SLC18A1: variants seen among roughly 807,000 people sequenced by gnomAD.
The protein encoded by SLC18A1 is chromaffin granule amine transporter.
In SLC18A1, 69 loss-of-function variants were observed where a neutral mutation model predicts 53.7. The ratio of observed to expected loss-of-function variants is 1.28; its 90% CI spans 1.06 to 1.57. The LOEUF (loss-of-function observed/expected upper bound fraction) is 1.57. SLC18A1 is among the 40% of genes most tolerant of loss of function. The probability of loss-of-function intolerance (pLI) is 0.00; values close to 1 mark genes in which losing one functional copy is unlikely to be tolerated. For missense variants in SLC18A1, 932 were observed against 668.1 expected (o/e 1.40, Z -4.35); for synonymous variants, 320 against 248.1 (o/e 1.29, Z -2.72).
In SLC18A1 at chr8:20,147,333, G is replaced by A. The variant is rs764545310; in HGVS notation, c.1389C>T (p.Ile463=). The A allele has an allele frequency of 5.0e-6, 8 of 1,613,632 alleles. No homozygotes were observed. The South Asian group carries it at 8.8e-5, about 18-fold the overall frequency. Residue 463 remains isoleucine (I), a synonymous_variant, in exon 15 of 16, where the codon ATC becomes ATT. Coordinates refer to ENST00000276373, the MANE Select transcript of SLC18A1 (RefSeq NM_003053.4). The part of the protein sequence containing the change: ...KAIGFPWLMV[I]TGVINIVYAP... ...CATAGACGATGTTGATGACCCCAGT[G>A]ATGACCATGAGCCAGGGAAAACCGA... is the stretch of plus-strand genomic sequence containing the variant.
chr8:20,177,953 A>T (rs1275327785), intron 4 of SLC18A1, among the ~76,000 whole-genome samples: 2 of 152,160 alleles, frequency 1.3e-5, no homozygotes, highest in African/African-American at 4.8e-5. Context: ...TTAACCTTTA[A>T]AGCCCTTAAC....
intron 10 of SLC18A1, among the ~76,000 whole-genome samples, chr8:20,162,016 G>A (rs1432121171): frequency 6.6e-6 from 1 of 152,164 alleles, no homozygotes; most frequent in Admixed American, 6.5e-5. Flanking sequence ...CTGCGCACGT[G>A]CAAAATTTGC....
At chr8:20,164,479 A>G (rs182681992) in intron 10 of SLC18A1, among the ~76,000 whole-genome samples, 15 of 152,256 alleles carry the variant, frequency 9.9e-5, no homozygotes, top group Admixed American at 2.0e-4. Context: ...TATTCATCCA[A>G]TTTCTCTTGA....
intron 3 of SLC18A1, 96 bp downstream of exon 3, chr8:20,179,025 G>C (rs894752995): frequency 7.1e-6 from 10 of 1,417,258 alleles, no homozygotes; most frequent in Non-Finnish European, 9.5e-6. Context: ...TCATACAAGT[G>C]AGTATTTCTT....
intron 8 of SLC18A1, among the ~76,000 whole-genome samples, chr8:20,165,679 T>C (rs984713350): frequency 1.3e-5 from 2 of 152,164 alleles, no homozygotes; most frequent in African/African-American, 4.8e-5. Context: ...TCATCTAAAC[T>C]TGGTCGCCCC....
At chr8:20,159,633 CCAAAAAAAAA>C (rs1234966536) in intron 10 of SLC18A1, among the ~76,000 whole-genome samples, 1 of 16,854 alleles carries the variant, frequency 5.9e-5, no homozygotes, top group African/African-American at 1.6e-4. Context: ...CTTGCAGCTG[CCAAAAAAAAA>C]AAAAAAAAAA....
chr8:20,147,766 T>G (rs751528940), intron 13 of SLC18A1, 44 bp from the exon 14 acceptor site: 1 of 1,598,780 alleles, frequency 6.3e-7, no homozygotes, highest in Non-Finnish European at 8.5e-7. Context: ...CACCCACAGT[T>G]AGTACCACCC....
intron 10 of SLC18A1, among the ~76,000 whole-genome samples, chr8:20,156,720 T>C (rs1206090215): frequency 6.6e-6 from 1 of 152,244 alleles, no homozygotes; most frequent in Non-Finnish European, 1.5e-5. Flanking sequence ...CAAAAGGACT[T>C]AATCCGGGGC....
chr8:20,177,175 A>C (rs1194653477), intron 4 of SLC18A1, among the ~76,000 whole-genome samples: 1 of 152,180 alleles, frequency 6.6e-6, no homozygotes, highest in African/African-American at 2.4e-5. Context: ...GCTAATTTGA[A>C]TTTCTTCATT....
In SLC18A1 at chr8:20,148,079, G is replaced by C; in HGVS notation, c.1147-9C>G. 1 of 1,613,910 alleles carries C rather than the reference G, an allele frequency of 6.2e-7. No homozygotes were observed. The highest frequency in any genetic ancestry group is 8.5e-7 in the Non-Finnish European group (1 of 1,179,822). On this transcript the variant is annotated splice_polypyrimidine_tract_variant and intron_variant, in intron 12 of 15. Coordinates refer to ENST00000276373, the MANE Select transcript of SLC18A1 (RefSeq NM_003053.4). ...TTGTGAGCCAGAGGAACCTGCATGG[G>C]GAAGGAGGAAGAGTCATCAGGACTC...
At chr8:20,182,212 C>T (rs2072447383) in intron 1 of SLC18A1, among the ~76,000 whole-genome samples, 1 of 152,074 alleles carries the variant, frequency 6.6e-6, no homozygotes, top group Non-Finnish European at 1.5e-5. Context: ...ACAAGGAACC[C>T]ATCCTACAAA....
intron 8 of SLC18A1, among the ~76,000 whole-genome samples, chr8:20,168,759 A>C (rs920661664): frequency 4.6e-5 from 7 of 152,146 alleles, no homozygotes; most frequent in South Asian, 2.1e-4. Context: ...TAGCAGAGAC[A>C]GGGTTTTGCC....
intron 10 of SLC18A1, among the ~76,000 whole-genome samples, chr8:20,155,469 A>G (rs1011326640): frequency 1.3e-5 from 2 of 151,898 alleles, no homozygotes; most frequent in African/African-American, 4.8e-5. Context: ...TGCTTTCACA[A>G]TTTTCTTGGG....
At chr8:20,170,214 T>A (rs2072076739) in intron 8 of SLC18A1, among the ~76,000 whole-genome samples, 1 of 150,608 alleles carries the variant, frequency 6.6e-6, no homozygotes. Flanking sequence ...TCCTAGTTGC[T>A]CTGGGGGAAT....
chr8:20,147,110 T>C, intron 15 of SLC18A1, 148 bp downstream of exon 15: 1 of 791,184 alleles, frequency 1.3e-6, no homozygotes, highest in South Asian at 2.3e-5. Flanking sequence ...AATATGAAGA[T>C]GAAAGGGGAT....
At chr8:20,147,890 C>T in intron 13 of SLC18A1, 117 bp downstream of exon 13, 2 of 1,428,810 alleles carry the variant, frequency 1.4e-6, no homozygotes, top group South Asian at 1.3e-5. Flanking sequence ...TGCCAGCTGC[C>T]CTCCTGATCC....
chr8:20,149,944 CAG>C (rs2071508121), intron 11 of SLC18A1, among the ~76,000 whole-genome samples: 1 of 152,164 alleles, frequency 6.6e-6, no homozygotes, highest in Non-Finnish European at 1.5e-5. Flanking sequence ...TATAGAAAGG[CAG>C]AGGAGGTGCC....
intron 10 of SLC18A1, 84 bp from the exon 11 acceptor site, chr8:20,150,828 C>T (rs2071534478): frequency 3.3e-6 from 4 of 1,211,848 alleles, no homozygotes; most frequent in Non-Finnish European, 4.9e-6. Context: ...CTGAAGTCCA[C>T]CCCTGTAACC....
rs561568253 is a variant in SLC18A1, at chr8:20,180,837, G to C, written c.124+4C>G. On this transcript the variant is annotated splice_donor_region_variant and intron_variant, in intron 2 of 15. Coordinates refer to ENST00000276373, the MANE Select transcript of SLC18A1 (RefSeq NM_003053.4). ...ACCCTCAGCACAAAGACCCACAAAC[G>C]TACCCACCACAGTAAACAGCATGTT... 1.3e-5 allele frequency: 21 copies of C among 1,613,642 alleles called. No individual in the cohort carries two copies. In the East Asian group the frequency reaches 4.2e-4, roughly 33 times the overall value.
Sources: gnomAD v4.1 joint callset for allele counts (sites outside exome capture counted in the v4.1 genomes callset) on GRCh38, gnomAD v4.1.1 for gene constraint, MANE v1.5 for transcripts, NCBI Gene and HGNC (gene_info 2026-07-23, HGNC 2026-07-21) for gene names.